Variants in BCL11A observed in about 807,000 individuals in gnomAD.
BCL11A encodes BCL11 transcription factor A.
A neutral mutation model predicts 55.9 loss-of-function variants in BCL11A; 2 were observed. The ratio of observed to expected loss-of-function variants is 0.04; its 90% confidence interval spans 0.01 to 0.11. The LOEUF (loss-of-function observed/expected upper bound fraction) is 0.11, where lower values mean the gene tolerates loss of function less well. Ranked by LOEUF, BCL11A falls within the 10% of genes least tolerant of loss-of-function variation. The pLI is 1.00. For synonymous variants in BCL11A, 465 were observed against 473.4 expected (o/e 0.98, Z 0.23); for missense variants, 817 against 1,137.1 (o/e 0.72, Z 4.05).
chr2:60,459,695 C>G lies in BCL11A; in HGVS notation c.*709G>C, dbSNP rs1676126303. ...ATCCAAGGCACTCATATTTTAAAAC[C>G]AAATGATAGAATAAACTTGTTCTGT... is the stretch of plus-strand genomic sequence containing the variant. On this transcript the variant is annotated 3_prime_UTR_variant, in exon 4 of 4. Coordinates refer to ENST00000642384, the MANE Select transcript of BCL11A (RefSeq NM_022893.4). 9.7e-7 allele frequency: 1 copy of G among 1,035,762 alleles called. No individual in the cohort carries two copies. The highest frequency in any genetic ancestry group is 1.2e-6 in the Non-Finnish European group (1 of 860,320). 64.2% of individuals were successfully genotyped at this position (1,035,762 alleles called of 1,614,324 possible).
At position 60,462,202 on chromosome 2, in the gene BCL11A, G is replaced by T; in HGVS notation, c.710C>A (p.Pro237His). ...TCCTGGTATTCTTAGCAGGTTAAAGGGGTTATTGTCTGCAATATGAATCCC... is the reference window on the plus strand; with the variant it reads ...TCCTGGTATTCTTAGCAGGTTAAAGTGGTTATTGTCTGCAATATGAATCCC... ...LHGIHIADNN[P>H]FNLLRIPGSV... The change falls in exon 4 of 4, where the codon CCC becomes CAC. Residue 237 changes from proline (P) to histidine (H), a missense_variant. Pro to His is a moderately conservative substitution (Grantham distance 77). Around this residue, in one of 4 missense-constraint regions of BCL11A, gnomAD observed 363 missense variants for 486.6 expected, o/e 0.75. Transcript: ENST00000642384. 6.2e-7 allele frequency: 1 copy of T among 1,609,734 alleles called. No homozygotes were observed. The highest frequency in any genetic ancestry group is 8.5e-7 in the Non-Finnish European group (1 of 1,177,914).
intron 1 of BCL11A, among the ~76,000 whole-genome samples, chr2:60,548,806 G>A (rs1670264946): frequency 6.6e-6 from 1 of 152,096 alleles, no homozygotes; most frequent in Admixed American, 6.6e-5. Context: ...CAGACAAAGT[G>A]GGACACAAAG....
chr2:60,551,300 A>G (rs1468394020), intron 1 of BCL11A, among the ~76,000 whole-genome samples: 2 of 152,334 alleles, frequency 1.3e-5, no homozygotes, highest in East Asian at 3.9e-4. Flanking sequence ...ACAGACTCAC[A>G]AGAACCTCAG....
intron 2 of BCL11A, among the ~76,000 whole-genome samples, chr2:60,515,914 C>T (rs1199029241): frequency 6.6e-6 from 1 of 152,170 alleles, no homozygotes; most frequent in Non-Finnish European, 1.5e-5. Flanking sequence ...CAAGTCAATT[C>T]GAGAAAGATC....
rs1335741135 is a variant in BCL11A at position 60,457,950 on chromosome 2, CTCTT to C, written c.*2450_*2453del. 1.1e-4 allele frequency: 116 copies of C among 1,036,506 alleles called. No homozygotes were observed. Among genetic ancestry groups the C allele is most frequent in the Non-Finnish European group, 1.3e-4 (108 of 861,296 alleles). 64.2% of individuals were successfully genotyped at this position (1,036,506 alleles called of 1,614,324 possible). ...TGTAATGTCACACTTTTTTGTTTCT[CTCTT>C]TTTTTTTTTTTTGAAGCATACAAAT... On this transcript the variant is annotated 3_prime_UTR_variant, in exon 4 of 4. Transcript: ENST00000642384.
At chr2:60,481,675 A>G (rs1304238425) in intron 2 of BCL11A, among the ~76,000 whole-genome samples, 1 of 151,976 alleles carries the variant, frequency 6.6e-6, no homozygotes, top group Non-Finnish European at 1.5e-5. Flanking sequence ...CACCCCCTAC[A>G]TCTTTCTTTT....
intron 2 of BCL11A, among the ~76,000 whole-genome samples, chr2:60,494,695 C>T (rs1372790490): frequency 6.6e-6 from 1 of 152,150 alleles, no homozygotes; most frequent in African/African-American, 2.4e-5. Flanking sequence ...ATAGTATATG[C>T]TTCATAGGGT....
At chr2:60,468,602 T>G (rs1572967143) in intron 3 of BCL11A, 130 bp downstream of exon 3, 1 of 635,598 alleles carries the variant, frequency 1.6e-6, no homozygotes, top group East Asian at 3.3e-5. Flanking sequence ...GCCAAGTGAG[T>G]AATGGAATAA....
At chr2:60,466,073 C>T (rs1448244256) in intron 3 of BCL11A, among the ~76,000 whole-genome samples, 1 of 152,200 alleles carries the variant, frequency 6.6e-6, no homozygotes, top group Non-Finnish European at 1.5e-5. Flanking sequence ...CCCACTTCCA[C>T]ATACCTTGTT....
At chr2:60,521,103 A>ACAC (rs796302463) in intron 2 of BCL11A, among the ~76,000 whole-genome samples, 1,195 of 33,168 alleles carry the variant, frequency 0.036, 24 homozygotes, top group African/African-American at 0.074. Flanking sequence ...ACACACACTC[A>ACAC]CACACACACA....
At position 60,460,128 on chromosome 2, in the gene BCL11A, C is replaced by T; in HGVS notation, c.*276G>A. The T allele has an allele frequency of 5.0e-6, 6 of 1,211,456 alleles. No homozygotes were observed. The highest frequency in any genetic ancestry group is 6.2e-6 in the Non-Finnish European group (6 of 973,852). 75.0% of individuals were successfully genotyped at this position (1,211,456 alleles called of 1,614,324 possible). On this transcript the variant is annotated 3_prime_UTR_variant, in exon 4 of 4. Transcript: ENST00000642384. The stretch of plus-strand genomic sequence containing the variant: ...GTTTGCGTAAAATGCAATAGTATTG[C>T]CCCATACAGATCATGCATTCAAACG...
intron 2 of BCL11A, among the ~76,000 whole-genome samples, chr2:60,471,512 C>T (rs1374237107): frequency 6.6e-6 from 1 of 152,208 alleles, no homozygotes; most frequent in Admixed American, 6.5e-5. Context: ...TAACTTCTTG[C>T]TATGATGCCT....
At position 60,460,383 on chromosome 2, in the gene BCL11A, G is replaced by C. The variant is rs943281672; in HGVS notation, c.*21C>G. ...AAAAGGGGGTGTCAGGTGGGAGTGA[G>C]GGAGGGGTATTAATATACCTCTATT... is the stretch of plus-strand genomic sequence containing the variant. On this transcript the variant is annotated 3_prime_UTR_variant, in exon 4 of 4. Coordinates refer to ENST00000642384, the MANE Select transcript of BCL11A (RefSeq NM_022893.4). 1 of 1,566,544 alleles carries C rather than the reference G, an allele frequency of 6.4e-7. No homozygotes were observed. Among genetic ancestry groups the C allele is most frequent in the East Asian group, 2.3e-5 (1 of 44,126 alleles).
chr2:60,514,894 GAGAC>G (rs1412625689), intron 2 of BCL11A, among the ~76,000 whole-genome samples: 1 of 150,540 alleles, frequency 6.6e-6, no homozygotes, highest in African/African-American at 2.4e-5. Context: ...AAAGAAAAGA[GAGAC>G]AGAGAGAGAG....
Position 60,483,441 on chromosome 2 carries a change from T to A in BCL11A, c.386-14608A>T, listed in dbSNP as rs189474371. Among the ~76,000 whole-genome samples, 421 of 152,344 alleles carry A rather than the reference T, an allele frequency of 2.8e-3. 2 individuals carry two copies. Among genetic ancestry groups the A allele is most frequent in the African/African-American group, 9.6e-3 (400 of 41,584 alleles). Reference sequence around the variant, plus strand: ...TTGAGACCAGGCAAGTCCCAGATGATCTCAGGCAAGTCCCCAGGTATAGCT... The same window carrying A: ...TTGAGACCAGGCAAGTCCCAGATGAACTCAGGCAAGTCCCCAGGTATAGCT... On this transcript the variant is annotated intron_variant, in intron 2 of 3. Transcript: ENST00000642384.
At chr2:60,499,231 T>C (rs1417580260) in intron 2 of BCL11A, among the ~76,000 whole-genome samples, 1 of 152,178 alleles carries the variant, frequency 6.6e-6, no homozygotes. Flanking sequence ...GACAGCCATG[T>C]GCAAGGCGAG....
downstream of BCL11A, among the ~76,000 whole-genome samples, chr2:60,455,434 T>C (rs1254769710): frequency 6.6e-6 from 1 of 152,222 alleles, no homozygotes; most frequent in Non-Finnish European, 1.5e-5. Context: ...GTTTCTATTG[T>C]TCATCAGCTT....
intron 2 of BCL11A, among the ~76,000 whole-genome samples, chr2:60,514,228 C>T (rs1668622823): frequency 2.6e-5 from 4 of 152,072 alleles, no homozygotes; most frequent in Admixed American, 2.6e-4. Flanking sequence ...CAAAGGAAGC[C>T]CAGAAGGGCC....
chr2:60,528,710 T>C (rs1374611347), intron 2 of BCL11A, among the ~76,000 whole-genome samples: 1 of 152,126 alleles, frequency 6.6e-6, no homozygotes, highest in African/African-American at 2.4e-5. Flanking sequence ...ATTTAACCCT[T>C]GATGAACCCC....
Sources: gnomAD v4.1 joint callset for allele counts (sites outside exome capture counted in the v4.1 genomes callset) on GRCh38, gnomAD v4.1.1 for gene constraint, gnomAD v4.1.1 regional missense constraint, MANE v1.5 for transcripts, NCBI Gene and HGNC (gene_info 2026-07-23, HGNC 2026-07-21) for gene names.